Variants in FAM91A1 observed in about 807,000 individuals in gnomAD.
The protein encoded by FAM91A1 is protein FAM91A1.
Under a neutral mutation model 113.5 loss-of-function variants are expected in FAM91A1, and 41 were observed. The ratio of observed to expected loss-of-function variants is 0.36; its 90% CI spans 0.28 to 0.47. The LOEUF (loss-of-function observed/expected upper bound fraction) is 0.47. FAM91A1 is among the 20% of genes least tolerant of loss of function. FAM91A1 has a pLI of 1.00. For missense variants in FAM91A1, 696 were observed against 1,001.2 expected (o/e 0.70, Z 4.11); for synonymous variants, 307 against 347.9 (o/e 0.88, Z 1.31).
intron 15 of FAM91A1, among the ~76,000 whole-genome samples, chr8:123,792,175 AGAAG>A (rs1815400994): frequency 6.6e-6 from 1 of 152,002 alleles, no homozygotes; most frequent in Non-Finnish European, 1.5e-5. Flanking sequence ...ACTCCGTCTC[AGAAG>A]AAAAAAAAGA....
At position 123,808,349 on chromosome 8, in the gene FAM91A1, A is replaced by G. The variant is rs6470187; in HGVS notation, c.2110A>G (p.Ile704Val). The change falls in exon 21 of 24, where the codon ATA becomes GTA. Residue 704 changes from isoleucine (I) to valine (V), a missense_variant. Transcript: ENST00000334705. ...SFEMVIEEATIDSATKQTSGA... is the reference protein window; with the variant it reads ...SFEMVIEEATVDSATKQTSGA... ...TGAAATGGTCATTGAGGAAGCAACTATAGATTCAGCAACAAAGCAAACCTC... is the reference window on the plus strand; with the variant it reads ...TGAAATGGTCATTGAGGAAGCAACTGTAGATTCAGCAACAAAGCAAACCTC... 9.1e-4 allele frequency: 1,461 copies of G among 1,613,480 alleles called. 7 individuals are homozygous for G. The African/African-American group carries it at 0.015, about 17-fold the overall frequency.
At position 123,799,903 on chromosome 8, in the gene FAM91A1, G is replaced by A. The variant is rs200708730; in HGVS notation, c.1809+18G>A. On this transcript the variant is annotated intron_variant, in intron 18 of 23. Coordinates refer to ENST00000334705, the MANE Select transcript of FAM91A1 (RefSeq NM_144963.4). ...TAATTCAGGTACATTTATCTTATTT[G>A]AAATTTTGTCTTTTTATTATAAAGT... 3 of 1,542,088 alleles carry A rather than the reference G, an allele frequency of 1.9e-6. No individual in the cohort carries two copies. The highest frequency in any genetic ancestry group is 2.6e-6 in the Non-Finnish European group (3 of 1,137,674).
Position 123,768,651 on chromosome 8 carries a change from C to A in FAM91A1, c.-52C>A. 1 of 1,490,916 alleles carries A rather than the reference C, an allele frequency of 6.7e-7. No homozygotes were observed. 92.4% of individuals were successfully genotyped at this position (1,490,916 alleles called of 1,614,324 possible). A position where few individuals can be genotyped will look rare whatever the true frequency, so the allele number is the denominator to read the frequency against. ...AGGCTGCGGGCGGGCAGGCGGGAGG[C>A]GTAGTGTGGGTCGCGGTGGCGGCCC... On this transcript the variant is annotated 5_prime_UTR_variant, in exon 1 of 24. Transcript: ENST00000334705.
chr8:123,799,462 C>T, intron 16 of FAM91A1, 58 bp from the exon 17 acceptor site: 1 of 1,523,922 alleles, frequency 6.6e-7, no homozygotes, highest in Non-Finnish European at 8.9e-7. Flanking sequence ...TAAGACTGTT[C>T]TCGGTCACTT....
chr8:123,784,919 A>T, intron 9 of FAM91A1, 162 bp from the exon 10 acceptor site: 3 of 521,298 alleles, frequency 5.8e-6, no homozygotes, highest in South Asian at 5.6e-5. Context: ...TAAGGATCTT[A>T]GAGATAGGGA....
chr8:123,778,111 T>C lies in FAM91A1; in HGVS notation c.435+19T>C. 6.4e-7 allele frequency: 1 copy of C among 1,569,778 alleles called. No homozygotes were observed. The highest frequency in any genetic ancestry group is 8.7e-7 in the Non-Finnish European group (1 of 1,151,094). ...ATCAAAAGTAAGTTAGTACTTTCTT[T>C]TTCATTGTTTTGGCCTCATCACACA... On this transcript the variant is annotated intron_variant, in intron 5 of 23. Transcript: ENST00000334705.
chr8:123,770,172 C>T lies in FAM91A1; in HGVS notation c.72+1398C>T, dbSNP rs550776456. 4.6e-5 allele frequency among the ~76,000 whole-genome samples: 7 copies of T among 152,202 alleles called. No homozygotes were observed. The South Asian group carries it at 1.0e-3, about 23-fold the overall frequency. ...TTCATCATGTTGGCCAGGCTGGTCT[C>T]GATATCTTGACCTCATGATCCGCCC... On this transcript the variant is annotated intron_variant, in intron 1 of 23. Transcript: ENST00000334705.
intron 1 of FAM91A1, among the ~76,000 whole-genome samples, chr8:123,773,856 ACT>A (rs1444587903): frequency 6.6e-6 from 1 of 152,114 alleles, no homozygotes; most frequent in African/African-American, 2.4e-5. Flanking sequence ...ATTTTAGTAA[ACT>A]CTTTTAGAAA....
At chr8:123,768,870 G>A in intron 1 of FAM91A1, 96 bp downstream of exon 1, 2 of 1,242,162 alleles carry the variant, frequency 1.6e-6, no homozygotes, top group Non-Finnish European at 2.3e-6. Flanking sequence ...GGCTGCTGCC[G>A]GCTGACTCCC....
intron 3 of FAM91A1, 43 bp from the exon 4 acceptor site, chr8:123,777,222 G>A: frequency 7.9e-7 from 1 of 1,260,132 alleles, no homozygotes; most frequent in South Asian, 1.3e-5. Flanking sequence ...TTTTATTTAA[G>A]GACATTTTAG....
chr8:123,801,220 T>G (rs1050178665), intron 18 of FAM91A1, among the ~76,000 whole-genome samples: 2 of 152,206 alleles, frequency 1.3e-5, no homozygotes, highest in Non-Finnish European at 2.9e-5. Flanking sequence ...TAGTTTTGAT[T>G]TACATTTTCC....
chr8:123,793,705 G>A (rs1341631276), intron 15 of FAM91A1, among the ~76,000 whole-genome samples: 1 of 152,136 alleles, frequency 6.6e-6, no homozygotes, highest in Non-Finnish European at 1.5e-5. Flanking sequence ...TGTCCTAGGA[G>A]CCTAATGTCT....
At chr8:123,779,148 C>T (rs571710664) in intron 6 of FAM91A1, among the ~76,000 whole-genome samples, 1 of 152,286 alleles carries the variant, frequency 6.6e-6, no homozygotes, top group South Asian at 2.1e-4. Flanking sequence ...ACTTAATTCT[C>T]ATAACAGCCC....
chr8:123,808,479 C>A, intron 21 of FAM91A1, 103 bp downstream of exon 21: 1 of 797,586 alleles, frequency 1.3e-6, no homozygotes, highest in Non-Finnish European at 1.9e-6. Flanking sequence ...ATTATTCATA[C>A]GACTTTTAAA....
intron 3 of FAM91A1, among the ~76,000 whole-genome samples, 184 bp downstream of exon 3, chr8:123,775,482 T>G (rs955253403): frequency 6.6e-6 from 1 of 152,212 alleles, no homozygotes; most frequent in Non-Finnish European, 1.5e-5. Context: ...GTACTTATCC[T>G]TATTGATGTT....
chr8:123,785,575 T>G, intron 10 of FAM91A1, 54 bp from the exon 11 acceptor site: 2 of 1,171,928 alleles, frequency 1.7e-6, no homozygotes, highest in Non-Finnish European at 2.5e-6. Context: ...CTACAAATAT[T>G]GTGATGTCTA....
At chr8:123,771,869 G>A (rs191240546) in intron 1 of FAM91A1, among the ~76,000 whole-genome samples, 33 of 152,198 alleles carry the variant, frequency 2.2e-4, no homozygotes, top group Admixed American at 1.8e-3. Flanking sequence ...TTCTTACATC[G>A]CCATTTGATC....
chr8:123,771,237 C>T (rs1301228009), intron 1 of FAM91A1, among the ~76,000 whole-genome samples: 1 of 152,168 alleles, frequency 6.6e-6, no homozygotes, highest in Non-Finnish European at 1.5e-5. Flanking sequence ...TTTGTGGTTA[C>T]AATACTGGCT....
intron 8 of FAM91A1, among the ~76,000 whole-genome samples, chr8:123,781,994 G>A (rs1815135935): frequency 6.6e-6 from 1 of 152,206 alleles, no homozygotes; most frequent in African/African-American, 2.4e-5. Flanking sequence ...CATCAGATAA[G>A]CTGACGTTGA....
Sources: allele counts gnomAD v4.1 joint callset (sites outside exome capture counted in the v4.1 genomes callset), GRCh38; gene constraint gnomAD v4.1.1; transcripts MANE v1.5; gene names NCBI Gene and HGNC (gene_info 2026-07-23, HGNC 2026-07-21).